Variants in SYMPK observed in about 807,000 individuals in gnomAD.
The protein encoded by SYMPK is symplekin scaffold protein.
Under a neutral mutation model 136.4 loss-of-function variants are expected in SYMPK, and 49 were observed. That is an observed-to-expected ratio of 0.36 (90% CI 0.29 to 0.46). The LOEUF (loss-of-function observed/expected upper bound fraction) is 0.46. SYMPK is among the 20% of genes least tolerant of loss of function. The pLI, the probability that SYMPK is intolerant of heterozygous loss-of-function variation, is 1.00. For missense variants in SYMPK, 1,365 were observed against 1,690.0 expected (o/e 0.81, Z 3.37); for synonymous variants, 766 against 713.0 (o/e 1.07, Z -1.19).
intron 5 of SYMPK, among the ~76,000 whole-genome samples, chr19:45,851,961 A>G (rs911943946): frequency 2.6e-5 from 4 of 152,232 alleles, no homozygotes; most frequent in Non-Finnish European, 5.9e-5. Context: ...AAAAGAAGGG[A>G]GCCAGAGAGA....
intron 11 of SYMPK, among the ~76,000 whole-genome samples, chr19:45,833,453 T>C (rs189651073): frequency 1.3e-5 from 2 of 151,788 alleles, no homozygotes; most frequent in Admixed American, 6.6e-5. Flanking sequence ...TACAATAAAA[T>C]TAGCTGGGCA....
At position 45,844,399 on chromosome 19, in the gene SYMPK, G is replaced by A. The variant is rs139886919; in HGVS notation, c.677-199C>T. 3.7e-3 allele frequency among the ~76,000 whole-genome samples: 557 copies of A among 152,290 alleles called. 3 individuals carry two copies. The highest frequency in any genetic ancestry group is 0.013 in the African/African-American group (527 of 41,550). ...AAAATTTAGTTATAAGGGGCTAGAC[G>A]CAGTGGCTCATGCCTGTAATCCCAG... is the stretch of plus-strand genomic sequence containing the variant. On this transcript the variant is annotated intron_variant, in intron 7 of 26. Coordinates refer to ENST00000245934, the MANE Select transcript of SYMPK (RefSeq NM_004819.3).
chr19:45,832,307 A>C (rs62109799), intron 11 of SYMPK, among the ~76,000 whole-genome samples: 1 of 151,722 alleles, frequency 6.6e-6, no homozygotes, highest in Non-Finnish European at 1.5e-5. Context: ...ACACCCAGCT[A>C]ATTTTTTTGT....
At chr19:45,827,787 C>A in intron 15 of SYMPK, 50 bp downstream of exon 15, 3 of 1,594,234 alleles carry the variant, frequency 1.9e-6, no homozygotes, top group South Asian at 2.2e-5. Context: ...CCCCTCAGGG[C>A]AGGGCCCTGT....
At chr19:45,828,532 A>C (rs1273938678) in intron 14 of SYMPK, 1 of 190,030 alleles carries the variant, frequency 5.3e-6, no homozygotes, top group East Asian at 1.5e-4. Flanking sequence ...AAAAGGATTT[A>C]TATAATAAAA....
chr19:45,824,345 G>A (rs964416283), intron 18 of SYMPK, among the ~76,000 whole-genome samples: 6 of 152,176 alleles, frequency 3.9e-5, no homozygotes, highest in Non-Finnish European at 7.3e-5. Context: ...CCTCTGCCCA[G>A]TAACGTTTAC....
chr19:45,819,158 C>T (rs903118879), intron 22 of SYMPK: 1 of 152,276 alleles, frequency 6.6e-6, no homozygotes. Flanking sequence ...CAGAATCACC[C>T]CTCCCCTCTT....
At chr19:45,836,351 C>T (rs1284182394) in intron 10 of SYMPK, among the ~76,000 whole-genome samples, 3 of 152,112 alleles carry the variant, frequency 2.0e-5, no homozygotes, top group African/African-American at 7.2e-5. Context: ...AAAATTTATA[C>T]TGGGCACGGT....
intron 9 of SYMPK, among the ~76,000 whole-genome samples, chr19:45,840,132 G>GTGAAACCC (rs1447921086): frequency 6.6e-6 from 1 of 151,586 alleles, no homozygotes; most frequent in Non-Finnish European, 1.5e-5. Context: ...GGCCAACATG[G>GTGAAACCC]TGAAACCCTG....
chr19:45,844,115 G>A lies in SYMPK; in HGVS notation c.762C>T (p.Thr254=), dbSNP rs1971507566. 1.2e-6 allele frequency: 2 copies of A among 1,613,208 alleles called. No homozygotes were observed. Among genetic ancestry groups the A allele is most frequent in the African/African-American group, 1.3e-5 (1 of 74,972 alleles). ...VHPAISSINL[T]TALGSLANIA... Reference sequence around the variant, plus strand: ...TATTGGCAAGGGAGCCCAGCGCTGTGGTCAGGTTGATGGAGGAGATGGCAG... The same window carrying A: ...TATTGGCAAGGGAGCCCAGCGCTGTAGTCAGGTTGATGGAGGAGATGGCAG... The change falls in exon 8 of 27, where the codon ACC becomes ACT. Residue 254 remains threonine (T), a synonymous_variant. Transcript: ENST00000245934.
chr19:45,840,012 A>C (rs147267905), intron 9 of SYMPK, among the ~76,000 whole-genome samples: 1 of 152,300 alleles, frequency 6.6e-6, no homozygotes, highest in South Asian at 2.1e-4. Context: ...TCAAAAGTTA[A>C]TATCTCCAAC....
chr19:45,831,206 A>C, intron 12 of SYMPK, 178 bp downstream of exon 12: 3 of 410,256 alleles, frequency 7.3e-6, no homozygotes, highest in Non-Finnish European at 1.3e-5. Context: ...GAGAACAGCA[A>C]AGGCTTAGTG....
chr19:45,828,003 C>T lies in SYMPK; in HGVS notation c.1986-85G>A, dbSNP rs1024686490. On this transcript the variant is annotated intron_variant, in intron 14 of 26. Transcript: ENST00000245934. ...CCTGCTGAATTGTAGGAGCTCAGGG[C>T]CAGCAGGCCCTCCCTCAGGGGCTGC... 7 of 1,229,108 alleles carry T rather than the reference C, an allele frequency of 5.7e-6. No homozygotes were observed. The African/African-American group carries it at 1.0e-4, about 18-fold the overall frequency. 76.1% of individuals were successfully genotyped at this position (1,229,108 alleles called of 1,614,324 possible). A position where few individuals can be genotyped will look rare whatever the true frequency, so the allele number is the denominator to read the frequency against.
chr19:45,832,855 C>CAA (rs10561490), intron 11 of SYMPK, among the ~76,000 whole-genome samples: 11 of 118,640 alleles, frequency 9.3e-5, no homozygotes, highest in African/African-American at 2.9e-4. Context: ...ACTAAAAATA[C>CAA]AAAAAAAAAA....
intron 3 of SYMPK, 98 bp downstream of exon 3, chr19:45,854,077 T>C: frequency 8.7e-7 from 1 of 1,154,168 alleles, no homozygotes; most frequent in South Asian, 1.3e-5. Context: ...ACACTGAGTG[T>C]GTAAATGTGG....
intron 11 of SYMPK, among the ~76,000 whole-genome samples, chr19:45,834,664 T>A (rs1328884815): frequency 6.6e-6 from 1 of 152,186 alleles, no homozygotes; most frequent in Non-Finnish European, 1.5e-5. Flanking sequence ...TAAGGGATAT[T>A]TAACCTGTAT....
rs777206029 is a variant in SYMPK at position 45,821,438 on chromosome 19, T to C, written c.2839A>G (p.Ile947Val). 2.5e-6 allele frequency: 4 copies of C among 1,613,938 alleles called. No homozygotes were observed. In the East Asian group the frequency reaches 8.9e-5, roughly 36 times the overall value. Reference protein sequence around the residue: ...LSPLNPGELLIALHNIDSVKC... With the variant: ...LSPLNPGELLVALHNIDSVKC... ...ACGGAGTCAATGTTGTGTAATGCGATCAGGAGCTCTCCAGGGTTCAGCGGG... is the reference window on the plus strand; with the variant it reads ...ACGGAGTCAATGTTGTGTAATGCGACCAGGAGCTCTCCAGGGTTCAGCGGG... The change falls in exon 22 of 27, where the codon ATC (isoleucine) becomes GTC (valine). Residue 947 changes from isoleucine to valine, a missense_variant. Coordinates refer to ENST00000245934, the MANE Select transcript of SYMPK (RefSeq NM_004819.3). This position sits in a 1 kb window ranked among gnomAD's most constrained non-coding sequence, Gnocchi z 4.4.
At chr19:45,847,024 C>T (rs1454510328) in intron 7 of SYMPK, among the ~76,000 whole-genome samples, 1 of 151,982 alleles carries the variant, frequency 6.6e-6, no homozygotes, top group Admixed American at 6.6e-5. Context: ...GAACTCCTGA[C>T]CCCAAGTGAT....
At chr19:45,852,684 G>T in intron 3 of SYMPK, 149 bp from the exon 4 acceptor site, 2 of 964,440 alleles carry the variant, frequency 2.1e-6, no homozygotes, top group Non-Finnish European at 3.2e-6. Flanking sequence ...CCCTACCAAG[G>T]GTGCTATGCT....
Sources: allele counts gnomAD v4.1 joint callset (sites outside exome capture counted in the v4.1 genomes callset), GRCh38; gene constraint gnomAD v4.1.1; non-coding constraint Gnocchi (gnomAD v3.1); transcripts MANE v1.5; gene names NCBI Gene and HGNC (gene_info 2026-07-23, HGNC 2026-07-21).